The following PANK2 variants were observed in gnomAD, a reference collection of about 807,000 sequenced individuals.
PANK2 encodes the protein pantothenate kinase 2, mitochondrial.
Under a neutral mutation model 43.1 loss-of-function variants are expected in PANK2, and 36 were observed. The observed-to-expected ratio is 0.84, with a 90% CI of 0.64 to 1.10. The LOEUF is 1.10. Ranked by LOEUF, PANK2 falls within the 50% of genes least tolerant of loss-of-function variation. The pLI is 0.00. For synonymous variants in PANK2, 281 were observed against 238.2 expected, an observed-to-expected ratio of 1.18 and a Z score of -1.66; for missense variants, 576 against 593.3, an observed-to-expected ratio of 0.97 and a Z score of 0.30.
In PANK2 at chr20:3,912,555, A is replaced by G. The variant is rs1189962837; in HGVS notation, c.1003A>G (p.Lys335Glu). 2 of 1,614,074 alleles carry G rather than the reference A, an allele frequency of 1.2e-6. No homozygotes were observed. The highest frequency in any genetic ancestry group is 1.7e-6 in the Non-Finnish European group (2 of 1,180,048). ...AATGGCATCTCGTGGAGATAGCACC[A>G]AAGTGGATAAACTAGTACGAGATAT... Residue 335 changes from lysine to glutamate, a missense_variant, in exon 4 of 7, where the codon AAA (lysine) becomes GAA (glutamate). This residue lies in a region of PANK2 where 544 missense variants were observed against 528.9 expected (regional missense o/e 1.03). Coordinates refer to ENST00000610179, the MANE Select transcript of PANK2 (RefSeq NM_001386393.1).
rs2090699281 is a variant in PANK2 at position 3,924,945 on chromosome 20, A to G, written c.*1651A>G. On this transcript the variant is annotated 3_prime_UTR_variant, in exon 7 of 7. Coordinates refer to ENST00000610179, the MANE Select transcript of PANK2 (RefSeq NM_001386393.1). ...CTGCTGCCTCTGCTGTGCTGCGTTCAGGAGGTTGTCCACTGCTCGACGTGG... is the reference window on the plus strand; with the variant it reads ...CTGCTGCCTCTGCTGTGCTGCGTTCGGGAGGTTGTCCACTGCTCGACGTGG... The G allele has an allele frequency of 6.5e-6, 1 of 152,796 alleles. No homozygotes were observed. The highest frequency in any genetic ancestry group is 2.4e-5 in the African/African-American group (1 of 41,574). 9.5% of individuals were successfully genotyped at this position (152,796 alleles called of 1,614,324 possible).
In PANK2 at chr20:3,903,446, C is replaced by CTT. The variant is rs796384440; in HGVS notation, c.299-4471_299-4470dup. ...TACAGGCATGAGCCACGACGCCCGG[C>CTT]TTTTTTTTTTCTTCTTTTCCTTTTT... On this transcript the variant is annotated intron_variant, in intron 1 of 6. Coordinates refer to ENST00000610179, the MANE Select transcript of PANK2 (RefSeq NM_001386393.1). Among the ~76,000 whole-genome samples the CTT allele has an allele frequency of 6.4e-5, 9 of 140,890 alleles. No individual in the cohort carries two copies. In the South Asian group the frequency reaches 2.0e-3, roughly 32 times the overall value. 92.4% of individuals were successfully genotyped at this position (140,890 alleles called of 152,430 possible). A position where few individuals can be genotyped will look rare whatever the true frequency, so the allele number is the denominator to read the frequency against.
At position 3,908,225 on chromosome 20, in the gene PANK2, G is replaced by A. The variant is rs1188966655; in HGVS notation, c.598G>A (p.Val200Ile). Residue 200 changes from valine (V) to isoleucine (I), a missense_variant, in exon 2 of 7, where the codon GTC becomes ATC. By Grantham distance (29) the Val-to-Ile change is conservative (BLOSUM62 3). Transcript: ENST00000610179. ...TAAAAACTTCTCGAGTCTCCACACT[G>A]TCTTTTGTGCCACTGGAGGTGGAGC... 1 of 1,613,036 alleles carries A rather than the reference G, an allele frequency of 6.2e-7. No individual in the cohort carries two copies. The highest frequency in any genetic ancestry group is 8.5e-7 in the Non-Finnish European group (1 of 1,180,012).
rs1326776219 is a variant in PANK2, at chr20:3,912,249, T to C, written c.906-209T>C. ...GACTGCACTGGGGACATGGGCCCTG[T>C]GTTTTGTACTTTGCATGTTGGCTCA... is the stretch of plus-strand genomic sequence containing the variant. On this transcript the variant is annotated intron_variant, in intron 3 of 6. Transcript: ENST00000610179. 4.6e-4 allele frequency among the ~76,000 whole-genome samples: 70 copies of C among 152,136 alleles called. 1 individual carries two copies. The highest frequency in any genetic ancestry group is 2.9e-5 in the Non-Finnish European group (2 of 68,022).
rs1217003149 is a variant in PANK2, at chr20:3,928,739, C to T, written c.*5445C>T. On this transcript the variant is annotated 3_prime_UTR_variant, in exon 7 of 7. Transcript: ENST00000610179. ...TTCCAGCCTGGGTGACAGAGCGAGA[C>T]TCCGTCTCAAAAAAAAAAAAAAAAA... The T allele has an allele frequency of 1.1e-5, 1 of 94,938 alleles. No homozygotes were observed. Among genetic ancestry groups the T allele is most frequent in the African/African-American group, 4.1e-5 (1 of 24,648 alleles). The allele number at this position is 94,938 out of a possible 1,614,324, so 5.9% of individuals were successfully genotyped here.
At chr20:3,911,746 C>G (rs1239854408) in intron 3 of PANK2, among the ~76,000 whole-genome samples, 2 of 152,122 alleles carry the variant, frequency 1.3e-5, no homozygotes, top group African/African-American at 4.8e-5. Context: ...ACAAAATTAG[C>G]CGGGCGTGGT....
intron 1 of PANK2, among the ~76,000 whole-genome samples, chr20:3,891,813 T>A (rs1438212721): frequency 6.6e-6 from 1 of 152,160 alleles, no homozygotes. Flanking sequence ...TATATTAAGG[T>A]AGTTTTGAAA....
intron 4 of PANK2, among the ~76,000 whole-genome samples, chr20:3,913,658 G>T (rs892372982): frequency 2.0e-5 from 3 of 150,784 alleles, no homozygotes; most frequent in Admixed American, 6.6e-5. Context: ...TCATTACGTG[G>T]ATAATACTAC....
chr20:3,901,601 TC>T, intron 1 of PANK2: 1 of 982,276 alleles, frequency 1.0e-6, no homozygotes, highest in Non-Finnish European at 1.2e-6. Context: ...CTCTTCAACT[TC>T]CTATGTCGAA....
intron 2 of PANK2, among the ~76,000 whole-genome samples, chr20:3,910,139 C>T (rs1338376072): frequency 6.6e-6 from 1 of 152,134 alleles, no homozygotes; most frequent in African/African-American, 2.4e-5. Context: ...GATACTGCTC[C>T]AAAGCCTTGA....
intron 1 of PANK2, among the ~76,000 whole-genome samples, chr20:3,902,567 C>A (rs143807557): frequency 7.1e-6 from 1 of 140,616 alleles, no homozygotes; most frequent in African/African-American, 2.6e-5. Flanking sequence ...GCATGAGCCA[C>A]CGCACCTGGC....
chr20:3,912,823 G>A (rs1178793355), intron 4 of PANK2, among the ~76,000 whole-genome samples, 189 bp downstream of exon 4: 3 of 150,694 alleles, frequency 2.0e-5, no homozygotes, highest in East Asian at 1.9e-4. Flanking sequence ...GGTGGTGCGC[G>A]CCTGTAGACC....
Position 3,926,623 on chromosome 20 carries a change from G to A in PANK2, c.*3329G>A, listed in dbSNP as rs2090723720. The A allele has an allele frequency of 6.6e-6, 1 of 152,370 alleles. No individual in the cohort carries two copies. Among genetic ancestry groups the A allele is most frequent in the Non-Finnish European group, 1.5e-5 (1 of 68,226 alleles). The allele number at this position is 152,370 out of a possible 1,614,324, so 9.4% of individuals were successfully genotyped here. ...GGGCAACTCTTTGCAGGGTGGTGTG[G>A]CCTGTGGAGGAAACAGGCTCAGTTC... is the stretch of plus-strand genomic sequence containing the variant. On this transcript the variant is annotated 3_prime_UTR_variant, in exon 7 of 7. Coordinates refer to ENST00000610179, the MANE Select transcript of PANK2 (RefSeq NM_001386393.1).
intron 4 of PANK2, 96 bp from the exon 5 acceptor site, chr20:3,916,831 C>T: frequency 6.5e-7 from 1 of 1,547,668 alleles, no homozygotes; most frequent in South Asian, 1.2e-5. Flanking sequence ...CAATGTTGCC[C>T]TAAAAGCTAA....
intron 4 of PANK2, among the ~76,000 whole-genome samples, chr20:3,915,033 C>T (rs1442098180): frequency 1.6e-4 from 24 of 152,138 alleles, no homozygotes. Flanking sequence ...ATACAAGTCC[C>T]TTATTAGATA....
intron 1 of PANK2, among the ~76,000 whole-genome samples, chr20:3,899,177 T>G (rs894382908): frequency 3.0e-5 from 4 of 135,022 alleles, no homozygotes; most frequent in African/African-American, 8.1e-5. Context: ...CCCAGCCGGG[T>G]TTTTTTTTTT....
At chr20:3,908,526 G>A (rs2090422881) in intron 2 of PANK2, among the ~76,000 whole-genome samples, 1 of 152,076 alleles carries the variant, frequency 6.6e-6, no homozygotes, top group South Asian at 2.1e-4. Flanking sequence ...AAAAATTAGG[G>A]CATCTGCTAT....
At chr20:3,911,217 T>G (rs2090463459) in intron 3 of PANK2, among the ~76,000 whole-genome samples, 1 of 152,216 alleles carries the variant, frequency 6.6e-6, no homozygotes, top group African/African-American at 2.4e-5. Context: ...AGAATAATGA[T>G]GTATTCTATG....
chr20:3,892,354 A>C (rs1233791888), intron 1 of PANK2, among the ~76,000 whole-genome samples: 1 of 151,758 alleles, frequency 6.6e-6, no homozygotes, highest in East Asian at 1.9e-4. Flanking sequence ...AAAAAAACAA[A>C]AAAAAAGGAG....
Sources: gnomAD v4.1 joint callset for allele counts (sites outside exome capture counted in the v4.1 genomes callset) on GRCh38, gnomAD v4.1.1 for gene constraint, gnomAD v4.1.1 regional missense constraint, MANE v1.5 for transcripts, NCBI Gene and HGNC (gene_info 2026-07-23, HGNC 2026-07-21) for gene names.